Variants in TMEM260 observed in about 807,000 individuals in gnomAD.
The protein encoded by TMEM260 is protein O-mannosyl-transferase TMEM260.
TMEM260 carries 82 observed loss-of-function variants against 88.9 expected under a neutral mutation model. The observed-to-expected ratio is 0.92, with a 90% CI of 0.77 to 1.11. The LOEUF (loss-of-function observed/expected upper bound fraction) is 1.11. TMEM260 is among the 50% of genes least tolerant of loss of function. The pLI is 0.00. For missense variants in TMEM260, 902 were observed against 853.4 expected (o/e 1.06, Z -0.71); for synonymous variants, 314 against 309.3 (o/e 1.02, Z -0.16).
In TMEM260 at chr14:56,648,275, G is replaced by GATGGGGA. The variant is rs1224262038; in HGVS notation, c.*780_*786dup. 2.0e-5 allele frequency: 3 copies of GATGGGGA among 152,100 alleles called. No individual in the cohort carries two copies. The highest frequency in any genetic ancestry group is 7.2e-5 in the African/African-American group (3 of 41,414). 9.4% of individuals were successfully genotyped at this position (152,100 alleles called of 1,614,324 possible). ...GGAAAAAAAGGCAGGGATTGGGGGG[G>GATGGGGA]ATGGGGAAGTGGCCCAATAAATTCA... is the stretch of plus-strand genomic sequence containing the variant. On this transcript the variant is annotated 3_prime_UTR_variant, in exon 16 of 16. Coordinates refer to ENST00000261556, the MANE Select transcript of TMEM260 (RefSeq NM_017799.4).
the TMEM260 span, among the ~76,000 whole-genome samples, chr14:56,657,479 T>G: frequency 6.6e-6 from 1 of 152,072 alleles, no homozygotes; most frequent in Non-Finnish European, 1.5e-5. Context: ...TAAACATTTT[T>G]TGAGCTTCTA....
chr14:56,601,020 A>G (rs773119554), intron 3 of TMEM260, among the ~76,000 whole-genome samples: 4 of 152,164 alleles, frequency 2.6e-5, no homozygotes. Flanking sequence ...GAAAATTCAG[A>G]TTATAGACCT....
chr14:56,642,390 A>G (rs1307670042), intron 15 of TMEM260, among the ~76,000 whole-genome samples: 1 of 152,044 alleles, frequency 6.6e-6, no homozygotes, highest in African/African-American at 2.4e-5. Flanking sequence ...AAACTGAACA[A>G]CCTGCTCCTG....
downstream of TMEM260, among the ~76,000 whole-genome samples, chr14:56,655,424 C>T (rs1162878717): frequency 2.0e-5 from 3 of 151,654 alleles, no homozygotes; most frequent in Admixed American, 1.3e-4. Flanking sequence ...CCTTCATCTT[C>T]GGAGGCAAAT....
intron 1 of TMEM260, 57 bp downstream of exon 1, chr14:56,580,131 A>C: frequency 1.6e-6 from 2 of 1,237,426 alleles, no homozygotes; most frequent in Non-Finnish European, 1.0e-6. Context: ...CAGAACGGGC[A>C]GGGTCTGCGT....
At chr14:56,598,166 G>A (rs1886361779) in intron 3 of TMEM260, among the ~76,000 whole-genome samples, 1 of 151,854 alleles carries the variant, frequency 6.6e-6, no homozygotes, top group South Asian at 2.1e-4. Flanking sequence ...AGTGAGAAAA[G>A]CAATTGTCTG....
intron 5 of TMEM260, among the ~76,000 whole-genome samples, chr14:56,607,735 T>C (rs1051084517): frequency 3.3e-5 from 5 of 152,314 alleles, no homozygotes; most frequent in African/African-American, 4.8e-5. Flanking sequence ...TATTTATTTA[T>C]GCTACAAATT....
At chr14:56,584,375 A>G (rs932938739) in intron 1 of TMEM260, among the ~76,000 whole-genome samples, 1 of 152,196 alleles carries the variant, frequency 6.6e-6, no homozygotes, top group African/African-American at 2.4e-5. Flanking sequence ...TTACTGCATC[A>G]TAATTTTAGA....
Position 56,617,205 on chromosome 14 carries a change from G to A in TMEM260, c.964G>A (p.Val322Ile), listed in dbSNP as rs1240331796. 1.3e-6 allele frequency: 2 copies of A among 1,599,486 alleles called. No individual in the cohort carries two copies. The highest frequency in any genetic ancestry group is 1.3e-5 in the African/African-American group (1 of 74,332). The change falls in exon 9 of 16, where the codon GTA becomes ATA. Residue 322 changes from valine (V) to isoleucine (I), a missense_variant. Physicochemically the swap from Val to Ile is conservative, Grantham distance 29. Transcript: ENST00000261556. The stretch of plus-strand genomic sequence containing the variant: ...TAGGGACAGACAGAATCCATCATTA[G>A]TATGGCTTTTTACTGGAATGTTTTG... ...ATKDRQNPSL[V>I]WLFTGMFCIY...
chr14:56,604,515 T>C (rs900478396), intron 4 of TMEM260, among the ~76,000 whole-genome samples: 3 of 152,224 alleles, frequency 2.0e-5, no homozygotes, highest in Admixed American at 6.5e-5. Context: ...CCCTATCTTC[T>C]AAGAACTTAG....
At chr14:56,611,834 A>G (rs1038854004) in intron 6 of TMEM260, among the ~76,000 whole-genome samples, 1 of 152,182 alleles carries the variant, frequency 6.6e-6, no homozygotes, top group African/African-American at 2.4e-5. Flanking sequence ...TGTGATACAT[A>G]TACACCATGG....
chr14:56,654,528 T>C (rs778889179), downstream of TMEM260, among the ~76,000 whole-genome samples: 1 of 151,868 alleles, frequency 6.6e-6, no homozygotes, highest in African/African-American at 2.4e-5. Flanking sequence ...TTAAAAAATA[T>C]TGAATGTCAG....
the TMEM260 span, among the ~76,000 whole-genome samples, chr14:56,658,275 T>C: frequency 1.3e-5 from 2 of 152,138 alleles, no homozygotes; most frequent in South Asian, 2.1e-4. Context: ...TGAGATGGAG[T>C]CTTACTCTGT....
At chr14:56,643,066 C>G (rs1160084524) in intron 15 of TMEM260, among the ~76,000 whole-genome samples, 8 of 152,156 alleles carry the variant, frequency 5.3e-5, no homozygotes, top group Non-Finnish European at 1.0e-4. Flanking sequence ...GGATTCATAG[C>G]CGAATTCTAC....
chr14:56,593,554 A>G (rs1424890920), intron 3 of TMEM260, among the ~76,000 whole-genome samples: 2 of 151,590 alleles, frequency 1.3e-5, no homozygotes, highest in Non-Finnish European at 2.9e-5. Flanking sequence ...TGACTTTTGG[A>G]TTTGATATTT....
At chr14:56,586,857 T>C (rs1885539542) in intron 3 of TMEM260, among the ~76,000 whole-genome samples, 2 of 152,006 alleles carry the variant, frequency 1.3e-5, no homozygotes, top group Non-Finnish European at 2.9e-5. Context: ...TAATTATAAC[T>C]CTGAAGTTTA....
the TMEM260 span, among the ~76,000 whole-genome samples, chr14:56,657,862 T>G: frequency 6.6e-6 from 1 of 152,192 alleles, no homozygotes; most frequent in Admixed American, 6.5e-5. Flanking sequence ...CCCCACCTTC[T>G]TTCCCACACC....
intron 3 of TMEM260, among the ~76,000 whole-genome samples, chr14:56,595,459 T>A (rs1886147556): frequency 6.6e-6 from 1 of 152,060 alleles, no homozygotes; most frequent in Non-Finnish European, 1.5e-5. Flanking sequence ...GCAATATGAG[T>A]AACTGTGAAC....
intron 15 of TMEM260, among the ~76,000 whole-genome samples, chr14:56,645,331 A>G (rs1322240021): frequency 6.6e-6 from 1 of 152,086 alleles, no homozygotes; most frequent in Non-Finnish European, 1.5e-5. Flanking sequence ...TGATGAGTTC[A>G]TGTCCTTTGT....
Sources: gnomAD v4.1 joint callset for allele counts (sites outside exome capture counted in the v4.1 genomes callset) on GRCh38, gnomAD v4.1.1 for gene constraint, MANE v1.5 for transcripts, NCBI Gene and HGNC (gene_info 2026-07-23, HGNC 2026-07-21) for gene names.